The following FBLN7 variants were observed in gnomAD, a reference collection of about 807,000 sequenced individuals.
FBLN7 encodes the protein fibulin-7.
In FBLN7, 31 loss-of-function variants were observed where a neutral mutation model predicts 44.0. That is an observed-to-expected ratio of 0.70 (90% CI 0.53 to 0.95). The LOEUF (loss-of-function observed/expected upper bound fraction) is 0.95, where lower values mean the gene tolerates loss of function less well. Ranked by LOEUF, FBLN7 falls within the 40% of genes least tolerant of loss-of-function variation. The probability of loss-of-function intolerance (pLI) is 0.00; values close to 1 mark genes in which losing one functional copy is unlikely to be tolerated. For synonymous variants in FBLN7, 262 were observed against 253.4 expected (o/e 1.03, Z -0.32); for missense variants, 573 against 618.5 (o/e 0.93, Z 0.78).
rs200351519 is a variant in FBLN7, at chr2:112,174,919, T to TA, written c.407-787dup. ...TTAAAACAATCATTTTTTTTCTAAT[T>TA]AAAAAAAATGTATACATGATTATTA... On this transcript the variant is annotated intron_variant, in intron 3 of 7. Transcript: ENST00000331203. Among the ~76,000 whole-genome samples the TA allele has an allele frequency of 9.4e-4, 142 of 151,736 alleles. 3 individuals carry two copies. The East Asian group carries it at 0.022, about 23-fold the overall frequency.
the FBLN7 span, among the ~76,000 whole-genome samples, chr2:112,196,334 T>G: frequency 6.6e-6 from 1 of 150,616 alleles, no homozygotes; most frequent in African/African-American, 2.4e-5. Context: ...TCTGTGCACC[T>G]GCCTTACCCT....
At chr2:112,171,339 C>T (rs537546482) in intron 3 of FBLN7, among the ~76,000 whole-genome samples, 28 of 151,636 alleles carry the variant, frequency 1.8e-4, no homozygotes, top group Non-Finnish European at 2.2e-4. Context: ...AGGAGGAGGG[C>T]GAAAGGAGAC....
intron 1 of FBLN7, chr2:112,152,580 C>T (rs1681212650): frequency 6.6e-6 from 1 of 152,194 alleles, no homozygotes; most frequent in South Asian, 2.1e-4. Flanking sequence ...TGCTGAGAAG[C>T]GATTGTTTAG....
downstream of FBLN7, among the ~76,000 whole-genome samples, chr2:112,191,359 AG>A (rs1386293492): frequency 1.2e-4 from 19 of 152,182 alleles, no homozygotes; most frequent in African/African-American, 4.6e-4. Context: ...TATTTTCAGT[AG>A]AGACAGGGTT....
intron 1 of FBLN7, among the ~76,000 whole-genome samples, chr2:112,141,222 G>A (rs1260357162): frequency 6.6e-6 from 1 of 152,198 alleles, no homozygotes; most frequent in Non-Finnish European, 1.5e-5. Context: ...AGTGGGGACT[G>A]TTACCCCCAT....
At position 112,159,727 on chromosome 2, in the gene FBLN7, C is replaced by T. The variant is rs147810874; in HGVS notation, c.127C>T (p.Leu43=). The T allele has an allele frequency of 7.3e-5, 116 of 1,589,292 alleles. No individual in the cohort carries two copies. Among genetic ancestry groups the T allele is most frequent in the Admixed American group, 1.1e-4 (6 of 56,836 alleles). The part of the protein sequence containing the change: ...LLSAIRQLQQ[L]LKGQETRFAE... Reference sequence around the variant, plus strand: ...CTCGGCCATCCGCCAGCTGCAGCAGCTGCTGAAGGGCCAGGAGACACGCTT... The same window carrying T: ...CTCGGCCATCCGCCAGCTGCAGCAGTTGCTGAAGGGCCAGGAGACACGCTT... Residue 43 remains leucine, a synonymous_variant, in exon 2 of 8, where the codon CTG becomes TTG. Coordinates refer to ENST00000331203, the MANE Select transcript of FBLN7 (RefSeq NM_153214.3).
the FBLN7 span, among the ~76,000 whole-genome samples, chr2:112,211,034 ACTT>A: frequency 7.2e-5 from 11 of 152,168 alleles, no homozygotes; most frequent in African/African-American, 2.7e-4. Context: ...TGAAATCTCC[ACTT>A]CTTGTCATCT....
In FBLN7 at chr2:112,187,014, C is replaced by A; in HGVS notation, c.948-120C>A. The A allele has an allele frequency of 1.6e-6, 2 of 1,234,804 alleles. No individual in the cohort carries two copies. Among genetic ancestry groups the A allele is most frequent in the Non-Finnish European group, 2.2e-6 (2 of 893,658 alleles). 76.5% of individuals were successfully genotyped at this position (1,234,804 alleles called of 1,614,324 possible). On this transcript the variant is annotated intron_variant, in intron 7 of 7. Coordinates refer to ENST00000331203, the MANE Select transcript of FBLN7 (RefSeq NM_153214.3). This position sits in a 1 kb window ranked among gnomAD's most constrained non-coding sequence, Gnocchi z 5.1. ...CTCCATAGCTCCTGGGTGAAGGACC[C>A]GTGGCTGGGAAAGGTCATCTAGGTG...
At chr2:112,202,991 G>A in the FBLN7 span, among the ~76,000 whole-genome samples, 1 of 152,114 alleles carries the variant, frequency 6.6e-6, no homozygotes, top group African/African-American at 2.4e-5. Flanking sequence ...ATTGCAACTG[G>A]AGGTGTTGTT....
the FBLN7 span, among the ~76,000 whole-genome samples, chr2:112,239,502 TCAAAA>T: frequency 2.0e-5 from 3 of 148,834 alleles, no homozygotes; most frequent in African/African-American, 7.4e-5. Flanking sequence ...AGAAGCAAAC[TCAAAA>T]CAAACAGACA....
intron 3 of FBLN7, among the ~76,000 whole-genome samples, chr2:112,166,596 G>C (rs1426710796): frequency 6.6e-6 from 1 of 151,774 alleles, no homozygotes; most frequent in African/African-American, 2.4e-5. Context: ...GAACAAAACA[G>C]GGGAAATGCC....
chr2:112,180,895 C>G (rs975334400), intron 4 of FBLN7, among the ~76,000 whole-genome samples: 1 of 130,198 alleles, frequency 7.7e-6, no homozygotes, highest in Non-Finnish European at 1.5e-5. Context: ...TGCACTCCAG[C>G]CTGGGCGACA....
intron 2 of FBLN7, among the ~76,000 whole-genome samples, chr2:112,160,828 G>GCA (rs1232336267): frequency 2.9e-5 from 4 of 138,118 alleles, no homozygotes; most frequent in Admixed American, 1.4e-4. Context: ...ACACAAGCAC[G>GCA]CATACACGCA....
At chr2:112,165,634 T>C (rs1682115294) in intron 3 of FBLN7, among the ~76,000 whole-genome samples, 3 of 152,156 alleles carry the variant, frequency 2.0e-5, no homozygotes, top group Admixed American at 1.3e-4. Context: ...AGGATGATGC[T>C]GCTGTGGCTG....
chr2:112,236,951 G>A, the FBLN7 span, among the ~76,000 whole-genome samples: 522 of 152,286 alleles, frequency 3.4e-3, 3 homozygotes, highest in African/African-American at 0.012. Flanking sequence ...GCTACTCTGG[G>A]ACTATAGGCT....
At chr2:112,208,747 G>A in the FBLN7 span, among the ~76,000 whole-genome samples, 2 of 152,040 alleles carry the variant, frequency 1.3e-5, no homozygotes, top group East Asian at 3.8e-4. Context: ...TTATCTACAT[G>A]CTGATAACTC....
intron 3 of FBLN7, among the ~76,000 whole-genome samples, chr2:112,172,868 A>G (rs923470484): frequency 6.6e-6 from 1 of 152,064 alleles, no homozygotes; most frequent in African/African-American, 2.4e-5. Flanking sequence ...TCCTGGCCTC[A>G]AGTGATCCAC....
At chr2:112,160,766 A>ACG (rs1157536298) in intron 2 of FBLN7, among the ~76,000 whole-genome samples, 11 of 35,436 alleles carry the variant, frequency 3.1e-4, no homozygotes, top group African/African-American at 1.6e-3. Context: ...ACACGCACGC[A>ACG]CACGCAGACG....
the FBLN7 span, chr2:112,240,380 CTTTAAT>C: frequency 6.6e-6 from 1 of 152,266 alleles, no homozygotes; most frequent in East Asian, 1.9e-4. Context: ...TGGTTTTGGC[CTTTAAT>C]TTTATTTAGT....
Sources: allele counts gnomAD v4.1 joint callset (sites outside exome capture counted in the v4.1 genomes callset), GRCh38; gene constraint gnomAD v4.1.1; non-coding constraint Gnocchi (gnomAD v3.1); transcripts MANE v1.5; gene names NCBI Gene and HGNC (gene_info 2026-07-23, HGNC 2026-07-21).